HPCAL1: variants seen among roughly 807,000 people sequenced by gnomAD.
HPCAL1 encodes the protein hippocalcin like 1.
HPCAL1 carries 8 observed loss-of-function variants against 17.1 expected under a neutral mutation model. The ratio of observed to expected loss-of-function variants is 0.47; its 90% CI spans 0.27 to 0.84. The LOEUF is 0.84. Among genes scored for constraint, HPCAL1 ranks in the 40% least tolerant of loss-of-function variants. The pLI is 0.13. For missense variants in HPCAL1, 165 were observed against 271.1 expected (o/e 0.61, Z 2.75); for synonymous variants, 112 against 111.4 (o/e 1.01, Z -0.03).
At chr2:10,361,599 C>T (rs1165824915) in intron 1 of HPCAL1, among the ~76,000 whole-genome samples, 1 of 152,136 alleles carries the variant, frequency 6.6e-6, no homozygotes, top group Non-Finnish European at 1.5e-5. Context: ...CCTAATATAT[C>T]AGAGGGCTAG....
intron 1 of HPCAL1, among the ~76,000 whole-genome samples, chr2:10,350,876 G>A (rs540880666): frequency 2.6e-5 from 4 of 152,224 alleles, no homozygotes; most frequent in Admixed American, 1.3e-4. Context: ...AAACAACAGC[G>A]ATATATCCAG....
At position 10,410,403 on chromosome 2, in the gene HPCAL1, A is replaced by G. The variant is rs557875941; in HGVS notation, c.-24-9331A>G. On this transcript the variant is annotated intron_variant, in intron 2 of 4. Transcript: ENST00000307845. ...CAGGGCTCCCCAGCTGCATGTTTAC[A>G]TTTCTTTCCTTGTTCCTCTTTTTCT... Among the ~76,000 whole-genome samples, 17 of 106,276 alleles carry G rather than the reference A, an allele frequency of 1.6e-4. No homozygotes were observed. In the South Asian group the frequency reaches 5.2e-3, roughly 33 times the overall value. 69.7% of individuals were successfully genotyped at this position (106,276 alleles called of 152,430 possible). A position where few individuals can be genotyped will look rare whatever the true frequency, so the allele number is the denominator to read the frequency against.
rs1408283250 is a variant in HPCAL1, at chr2:10,344,243, G to A, written c.-111+41066G>A. 2.0e-5 allele frequency among the ~76,000 whole-genome samples: 3 copies of A among 152,140 alleles called. No individual in the cohort carries two copies. The highest frequency in any genetic ancestry group is 4.4e-5 in the Non-Finnish European group (3 of 68,022). On this transcript the variant is annotated intron_variant, in intron 1 of 4. Coordinates refer to ENST00000307845, the MANE Select transcript of HPCAL1 (RefSeq NM_002149.4). This position sits in a 1 kb window ranked among gnomAD's most constrained non-coding sequence, Gnocchi z 4.9. Reference sequence around the variant, plus strand: ...GTCTTTGATGCTTGCTTTCCCCATAGGCATCACTTCGACCAGCGTCTGTGT... The same window carrying A: ...GTCTTTGATGCTTGCTTTCCCCATAAGCATCACTTCGACCAGCGTCTGTGT...
chr2:10,420,189 T>TCCCAGCC (rs1250642421), intron 3 of HPCAL1, 54 bp downstream of exon 3: 8 of 806,460 alleles, frequency 9.9e-6, no homozygotes, highest in African/African-American at 4.6e-5. Context: ...CCCTCCCAGC[T>TCCCAGCC]CCCAGCCCCC....
chr2:10,420,209 CTTT>C (rs369044166), intron 3 of HPCAL1, 74 bp downstream of exon 3: 5,453 of 565,786 alleles, frequency 9.6e-3, no homozygotes, highest in Middle Eastern at 0.014. Flanking sequence ...CAGCCCAGGG[CTTT>C]TTTTTTTTTT....
intron 1 of HPCAL1, among the ~76,000 whole-genome samples, chr2:10,356,210 G>A (rs1188819513): frequency 6.6e-6 from 1 of 152,176 alleles, no homozygotes; most frequent in Non-Finnish European, 1.5e-5. Context: ...AGGACACGCA[G>A]CTCCTAAGCT....
At chr2:10,406,861 C>T (rs755194273) in intron 2 of HPCAL1, among the ~76,000 whole-genome samples, 2 of 152,168 alleles carry the variant, frequency 1.3e-5, no homozygotes, top group Non-Finnish European at 2.9e-5. Flanking sequence ...GTTAGGGTTC[C>T]GGACGGAAGG....
At chr2:10,423,355 A>T (rs2148043829) in intron 4 of HPCAL1, 2 of 458,594 alleles carry the variant, frequency 4.4e-6, no homozygotes, top group Admixed American at 7.0e-5. Context: ...AGAATCGGGC[A>T]TACCCATATT....
intron 2 of HPCAL1, among the ~76,000 whole-genome samples, chr2:10,400,545 G>GAT (rs1669535521): frequency 6.6e-6 from 1 of 152,176 alleles, no homozygotes; most frequent in Non-Finnish European, 1.5e-5. Context: ...GGCCTTTCTG[G>GAT]AAGTGCCCTC....
intron 2 of HPCAL1, among the ~76,000 whole-genome samples, chr2:10,416,081 T>C (rs1388804882): frequency 1.3e-5 from 2 of 152,210 alleles, no homozygotes; most frequent in Non-Finnish European, 2.9e-5. Context: ...TCCTTCACAA[T>C]GGCCCAGGCC....
chr2:10,348,227 T>C (rs1212394979), intron 1 of HPCAL1, among the ~76,000 whole-genome samples: 1 of 151,790 alleles, frequency 6.6e-6, no homozygotes, highest in Non-Finnish European at 1.5e-5. Context: ...AGGTGGGCAG[T>C]TCACCTAAGA....
chr2:10,383,350 T>A (rs1226844772), intron 1 of HPCAL1, among the ~76,000 whole-genome samples: 1 of 150,960 alleles, frequency 6.6e-6, no homozygotes. Flanking sequence ...CCAGCCTGGG[T>A]GACAGAGTGA....
intron 1 of HPCAL1, among the ~76,000 whole-genome samples, chr2:10,372,380 C>G (rs79517063): frequency 6.6e-6 from 1 of 152,124 alleles, no homozygotes; most frequent in African/African-American, 2.4e-5. Flanking sequence ...TATTATGTCC[C>G]GGATACTGTG....
intron 2 of HPCAL1, among the ~76,000 whole-genome samples, chr2:10,413,561 C>A (rs889336021): frequency 2.0e-5 from 3 of 152,132 alleles, no homozygotes; most frequent in Non-Finnish European, 4.4e-5. Context: ...ACACGTCTGC[C>A]CTCTGGCACA....
In HPCAL1 at chr2:10,419,343, G is replaced by GGGATGTGGCTGA. The variant is rs1177642690; in HGVS notation, c.-24-388_-24-377dup. 6.6e-6 allele frequency among the ~76,000 whole-genome samples: 1 copy of GGGATGTGGCTGA among 152,208 alleles called. No individual in the cohort carries two copies. The highest frequency in any genetic ancestry group is 1.5e-5 in the Non-Finnish European group (1 of 68,028). ...AGGGAAGAACTGCCCCAAAGAGTCT[G>GGGATGTGGCTGA]GGATGTGGCTGAGGTGGCCACTTTG... is the stretch of plus-strand genomic sequence containing the variant. On this transcript the variant is annotated intron_variant, in intron 2 of 4. Transcript: ENST00000307845. This position sits in a 1 kb window ranked among gnomAD's most constrained non-coding sequence, Gnocchi z 5.0.
At chr2:10,409,639 C>T (rs1270844434) in intron 2 of HPCAL1, among the ~76,000 whole-genome samples, 1 of 152,170 alleles carries the variant, frequency 6.6e-6, no homozygotes, top group Non-Finnish European at 1.5e-5. Flanking sequence ...GTTTGTCTTC[C>T]ACCGGCCCCT....
At chr2:10,372,123 G>A (rs1188221667) in intron 1 of HPCAL1, among the ~76,000 whole-genome samples, 10 of 152,350 alleles carry the variant, frequency 6.6e-5, no homozygotes, top group African/African-American at 7.2e-5. Flanking sequence ...TCAGTCCAGC[G>A]CTTTTCACCA....
chr2:10,397,542 A>C (rs1669134265), intron 2 of HPCAL1, among the ~76,000 whole-genome samples: 1 of 152,178 alleles, frequency 6.6e-6, no homozygotes, highest in South Asian at 2.1e-4. Flanking sequence ...TCTGGGTGCG[A>C]GGAAGGCTTG....
In HPCAL1 at chr2:10,386,941, A is replaced by G. The variant is rs1288088397; in HGVS notation, c.-110-9894A>G. Among the ~76,000 whole-genome samples, 6 of 152,168 alleles carry G rather than the reference A, an allele frequency of 3.9e-5. No homozygotes were observed. The East Asian group carries it at 1.2e-3, about 29-fold the overall frequency. On this transcript the variant is annotated intron_variant, in intron 1 of 4. Transcript: ENST00000307845. ...GTGAGAGTTGGTCTCTGGCCTCCAC[A>G]TGAGGCAGGGACAGTGCCCAGGGAG...
Sources: gnomAD v4.1 joint callset for allele counts (sites outside exome capture counted in the v4.1 genomes callset) on GRCh38, gnomAD v4.1.1 for gene constraint, Gnocchi (gnomAD v3.1) non-coding constraint, MANE v1.5 for transcripts, NCBI Gene and HGNC (gene_info 2026-07-23, HGNC 2026-07-21) for gene names.